Variants in DNAH7 observed in about 807,000 individuals in gnomAD.
DNAH7 encodes the protein dynein axonemal heavy chain 7, also known as axonemal beta dynein heavy chain 7.
In DNAH7, 397 loss-of-function variants were observed where a neutral mutation model predicts 444.6. That is an observed-to-expected ratio of 0.89 (90% CI 0.82 to 0.97). The LOEUF is 0.97. DNAH7 is among the 50% of genes least tolerant of loss of function. DNAH7 has a pLI of 0.00. For synonymous variants in DNAH7, 1,636 were observed against 1,624.4 expected, an observed-to-expected ratio of 1.01 and a Z score of -0.17; for missense variants, 4,902 against 4,800.8, an observed-to-expected ratio of 1.02 and a Z score of -0.62.
At chr2:195,763,541 ACAT>A (rs1249899696) in intron 61 of DNAH7, among the ~76,000 whole-genome samples, 1 of 152,084 alleles carries the variant, frequency 6.6e-6, no homozygotes, top group African/African-American at 2.4e-5. Flanking sequence ...GAAAAAAGAA[ACAT>A]TACAATAGAT....
At chr2:195,935,631 C>T (rs2029439) in intron 20 of DNAH7, among the ~76,000 whole-genome samples, 44,577 of 151,962 alleles carry the variant, frequency 0.29, 9,328 homozygotes, top group African/African-American at 0.59. Context: ...AAGTAAATTA[C>T]AGAGTATGCC....
intron 12 of DNAH7, among the ~76,000 whole-genome samples, chr2:195,993,704 T>A (rs1205394729): frequency 6.6e-6 from 1 of 152,196 alleles, no homozygotes; most frequent in African/African-American, 2.4e-5. Flanking sequence ...GAGCTTAAAT[T>A]GAATTTAAAT....
chr2:195,803,874 A>C (rs1696587769), intron 54 of DNAH7, among the ~76,000 whole-genome samples: 1 of 152,198 alleles, frequency 6.6e-6, no homozygotes, highest in South Asian at 2.1e-4. Flanking sequence ...TATCTATTTG[A>C]TATGTTTCTT....
chr2:195,936,577 A>G, intron 20 of DNAH7, 22 bp downstream of exon 20: 1 of 1,544,402 alleles, frequency 6.5e-7, no homozygotes, highest in Non-Finnish European at 8.7e-7. Context: ...TTAGTCATGT[A>G]TTCTACATGT....
chr2:195,792,900 G>A (rs987718160), intron 57 of DNAH7, among the ~76,000 whole-genome samples: 2 of 151,874 alleles, frequency 1.3e-5, no homozygotes, highest in Admixed American at 1.3e-4. Context: ...GGGTAAAAAG[G>A]TGTAGGGATG....
chr2:195,914,783 C>A (rs571906841), intron 24 of DNAH7, among the ~76,000 whole-genome samples: 2 of 152,310 alleles, frequency 1.3e-5, no homozygotes, highest in African/African-American at 4.8e-5. Context: ...CCTGTCTCAG[C>A]CTCCCAAATA....
At chr2:196,009,909 T>C (rs1694624545) in intron 10 of DNAH7, among the ~76,000 whole-genome samples, 1 of 152,182 alleles carries the variant, frequency 6.6e-6, no homozygotes, top group Non-Finnish European at 1.5e-5. Flanking sequence ...ATATGAAGAA[T>C]GCCCAACATT....
intron 19 of DNAH7, among the ~76,000 whole-genome samples, chr2:195,945,940 T>C (rs555828893): frequency 3.7e-4 from 56 of 152,296 alleles, no homozygotes; most frequent in South Asian, 1.2e-3. Context: ...CTAGTTCCCA[T>C]TCCCTGAATC....
rs199668616 is a variant in DNAH7 at position 195,857,641 on chromosome 2, A to T, written c.8150T>A (p.Ile2717Asn). The T allele has an allele frequency of 1.2e-6, 2 of 1,613,864 alleles. No individual in the cohort carries two copies. Among genetic ancestry groups the T allele is most frequent in the African/African-American group, 1.3e-5 (1 of 74,988 alleles). Residue 2717 changes from isoleucine (I) to asparagine (N), a missense_variant, in exon 44 of 65, where the codon ATC becomes AAC. Physicochemically the swap from Ile to Asn is moderately radical, Grantham distance 149 (BLOSUM62 -3). Transcript: ENST00000312428. ...VMEAICILKG[I>N]KADKIPDPTG... The stretch of plus-strand genomic sequence containing the variant: ...TGGGTCAGGGATTTTGTCAGCTTTG[A>T]TTCCTTTCAAGATGCATATAGCTTC...
chr2:195,897,128 C>G (rs564167258), intron 29 of DNAH7, among the ~76,000 whole-genome samples: 2 of 152,214 alleles, frequency 1.3e-5, no homozygotes, highest in African/African-American at 4.8e-5. Context: ...AAGAATGACA[C>G]CAAAGGATAT....
rs778794295 is a variant in DNAH7 at position 195,972,460 on chromosome 2, T to C, written c.1840A>G (p.Ile614Val). The C allele has an allele frequency of 1.4e-4, 222 of 1,613,636 alleles. 1 individual carries two copies. The South Asian group carries it at 2.4e-3, about 17-fold the overall frequency. Reference protein sequence around the residue: ...TAELMEMKAYIQKVEVTDMIE... With the variant: ...TAELMEMKAYVQKVEVTDMIE... ...ATATCAGTTACCTCCACTTTCTGAA[T>C]GTAAGCCTGAGGGAAAACAAAAATT... Residue 614 changes from isoleucine (I) to valine (V), a missense_variant, in exon 16 of 65, where the codon ATT (isoleucine) becomes GTT (valine). Ile to Val is a conservative substitution (Grantham distance 29). Coordinates refer to ENST00000312428, the MANE Select transcript of DNAH7 (RefSeq NM_018897.3).
chr2:195,973,494 T>G (rs1691986415), intron 15 of DNAH7, among the ~76,000 whole-genome samples: 1 of 152,124 alleles, frequency 6.6e-6, no homozygotes, highest in African/African-American at 2.4e-5. Flanking sequence ...TTTTTTGAGA[T>G]GGAGTCTCAC....
At chr2:195,747,171 C>G (rs1326314653) in intron 63 of DNAH7, among the ~76,000 whole-genome samples, 3 of 151,818 alleles carry the variant, frequency 2.0e-5, no homozygotes, top group Non-Finnish European at 4.4e-5. Flanking sequence ...GGGGATATCA[C>G]CACCGATCCC....
chr2:195,871,930 CAAAAAAAAAAAAAAAAAAAA>C lies in DNAH7; in HGVS notation c.6633+300_6633+319del, dbSNP rs553845281. Among the ~76,000 whole-genome samples, 63 of 24,802 alleles carry C rather than the reference CAAAAAAAAAAAAAAAAAAAA, an allele frequency of 2.5e-3. 2 individuals are homozygous for C. Among genetic ancestry groups the C allele is most frequent in the South Asian group, 9.1e-3 (2 of 220 alleles). 16.3% of individuals were successfully genotyped at this position (24,802 alleles called of 152,430 possible). A position where few individuals can be genotyped will look rare whatever the true frequency, so the allele number is the denominator to read the frequency against. On this transcript the variant is annotated intron_variant, in intron 40 of 64. Transcript: ENST00000312428. The stretch of plus-strand genomic sequence containing the variant: ...TGGGCGACAGAGCGAGACTCCGTCT[CAAAAAAAAAAAAAAAAAAAA>C]AAAAAAAAAAAAAAAAAAACTACTT...
intron 3 of DNAH7, 38 bp from the exon 4 acceptor site, chr2:196,048,442 T>C: frequency 6.3e-7 from 1 of 1,577,752 alleles, no homozygotes; most frequent in Non-Finnish European, 8.7e-7. Flanking sequence ...ACAAACAATA[T>C]CAGAAAAAAA....
intron 47 of DNAH7, among the ~76,000 whole-genome samples, chr2:195,840,542 G>T (rs1175595166): frequency 1.3e-5 from 2 of 151,716 alleles, no homozygotes; most frequent in East Asian, 3.9e-4. Context: ...ATACAGATTA[G>T]AAAGTAGTAA....
chr2:195,995,450 T>C (rs1380062784), intron 12 of DNAH7: 6 of 396,464 alleles, frequency 1.5e-5, no homozygotes, highest in East Asian at 6.8e-5. Flanking sequence ...CTGGACTTCA[T>C]AGAGCAGCTC....
At position 195,737,806 on chromosome 2, in the gene DNAH7, A is replaced by ATAACT; in HGVS notation, c.*110_*114dup. ...TTTGCTCATAAGTAAATTCATAATT[A>ATAACT]TAACTTTAGTCAAATGTATTTAAAC... On this transcript the variant is annotated 3_prime_UTR_variant, in exon 65 of 65. Transcript: ENST00000312428. 1.1e-6 allele frequency: 1 copy of ATAACT among 873,252 alleles called. No homozygotes were observed. 54.1% of individuals were successfully genotyped at this position (873,252 alleles called of 1,614,324 possible). A position where few individuals can be genotyped will look rare whatever the true frequency, so the allele number is the denominator to read the frequency against.
chr2:195,795,296 C>T (rs947600158), intron 56 of DNAH7, among the ~76,000 whole-genome samples: 18 of 152,238 alleles, frequency 1.2e-4, no homozygotes, highest in Admixed American at 9.2e-4. Flanking sequence ...GCACCAGAAT[C>T]GCTTGAACCC....
Sources: gnomAD v4.1 joint callset for allele counts (sites outside exome capture counted in the v4.1 genomes callset) on GRCh38, gnomAD v4.1.1 for gene constraint, MANE v1.5 for transcripts, NCBI Gene and HGNC (gene_info 2026-07-23, HGNC 2026-07-21) for gene names.